Variants in POU2F3 observed in about 807,000 individuals in gnomAD.
POU2F3 encodes POU class 2 homeobox 3.
A neutral mutation model predicts 59.2 loss-of-function variants in POU2F3; 23 were observed. That is an observed-to-expected ratio of 0.39 (90% CI 0.28 to 0.55). The LOEUF (loss-of-function observed/expected upper bound fraction) is 0.55, where lower values mean the gene tolerates loss of function less well. Ranked by LOEUF, POU2F3 falls within the 20% of genes least tolerant of loss-of-function variation. POU2F3 has a pLI of 0.66. For synonymous variants in POU2F3, 190 were observed against 214.6 expected (o/e 0.89, Z 1.00); for missense variants, 473 against 544.5 (o/e 0.87, Z 1.31).
In POU2F3 at chr11:120,274,090, AG is replaced by A. The variant is rs1170429304; in HGVS notation, c.132+4848del. Among the ~76,000 whole-genome samples, 42 of 88,022 alleles carry A rather than the reference AG, an allele frequency of 4.8e-4. No individual in the cohort carries two copies. In the East Asian group the frequency reaches 0.011, roughly 23 times the overall value. The allele number at this position is 88,022 out of a possible 152,430, so 57.7% of individuals were successfully genotyped here. A position where few individuals can be genotyped will look rare whatever the true frequency, so the allele number is the denominator to read the frequency against. ...GAAAGAAAGAAAAAGAGAGAAAGAA[AG>A]GAAGGAAGGAAGGAAGAAAGGAAGG... On this transcript the variant is annotated intron_variant, in intron 3 of 12. Coordinates refer to ENST00000543440, the MANE Select transcript of POU2F3 (RefSeq NM_014352.4).
chr11:120,245,479 A>AG lies in POU2F3; in HGVS notation c.29-963dup, dbSNP rs200133645. On this transcript the variant is annotated intron_variant, in intron 1 of 12. Transcript: ENST00000543440. ...AAGAGTTAAAGTGCTGCCCCAGAGA[A>AG]GGGGGGGTGTGGGGGTCAACATGAT... Among the ~76,000 whole-genome samples the AG allele has an allele frequency of 5.7e-3, 866 of 151,506 alleles. 13 individuals are homozygous for AG. The highest frequency in any genetic ancestry group is 0.019 in the African/African-American group (768 of 41,372).
At chr11:120,244,248 A>C (rs1938781192) in intron 1 of POU2F3, among the ~76,000 whole-genome samples, 1 of 152,192 alleles carries the variant, frequency 6.6e-6, no homozygotes, top group Non-Finnish European at 1.5e-5. Flanking sequence ...TGAGACAGAA[A>C]ACCAAAGCTA....
chr11:120,238,608 G>T (rs183060598), upstream of POU2F3, among the ~76,000 whole-genome samples: 1 of 151,980 alleles, frequency 6.6e-6, no homozygotes, highest in Non-Finnish European at 1.5e-5. Context: ...AGGCTGAGGC[G>T]GGTGGATCAC....
intron 2 of POU2F3, among the ~76,000 whole-genome samples, chr11:120,262,974 T>A (rs185581738): frequency 0.03 from 3,289 of 108,060 alleles, 128 homozygotes; most frequent in African/African-American, 0.13. Flanking sequence ...TTTATTTATT[T>A]ATTTATTTAT....
intron 3 of POU2F3, among the ~76,000 whole-genome samples, chr11:120,279,973 G>C (rs987259353): frequency 1.3e-5 from 2 of 152,208 alleles, no homozygotes; most frequent in Non-Finnish European, 2.9e-5. Context: ...TCAGGTGTTG[G>C]GTGGAGAACA....
intron 3 of POU2F3, among the ~76,000 whole-genome samples, chr11:120,294,729 T>C (rs574002363): frequency 2.7e-4 from 41 of 152,324 alleles, no homozygotes; most frequent in African/African-American, 9.4e-4. Context: ...GAATTGTCGA[T>C]GTACCCTTCC....
At chr11:120,290,823 G>T (rs932833678) in intron 3 of POU2F3, among the ~76,000 whole-genome samples, 6 of 152,226 alleles carry the variant, frequency 3.9e-5, no homozygotes, top group African/African-American at 1.4e-4. Context: ...TGTGTGTATG[G>T]GCACGCGCGT....
intron 2 of POU2F3, among the ~76,000 whole-genome samples, chr11:120,268,645 A>G (rs1057151129): frequency 2.0e-5 from 3 of 152,214 alleles, no homozygotes; most frequent in African/African-American, 7.2e-5. Flanking sequence ...TCCAGCCACC[A>G]AAAGACATTT....
chr11:120,265,632 T>G (rs1212435800), intron 2 of POU2F3, among the ~76,000 whole-genome samples: 1 of 152,248 alleles, frequency 6.6e-6, no homozygotes, highest in East Asian at 1.9e-4. Context: ...AATTAATCTC[T>G]GAATTGTGCT....
At chr11:120,310,247 T>C (rs1300690364) in intron 10 of POU2F3, among the ~76,000 whole-genome samples, 1 of 152,130 alleles carries the variant, frequency 6.6e-6, no homozygotes, top group Non-Finnish European at 1.5e-5. Context: ...GGCTAGACTT[T>C]GATGGTGGAG....
rs1293998555 is a variant in POU2F3, at chr11:120,309,577, C to T, written c.1059C>T (p.Asn353=). Reference sequence around the variant, plus strand: ...CACCCATCAAACCACCTGTCTACAACTCCCGGCTGGTGAGTGGCCAGGAAC... The same window carrying T: ...CACCCATCAAACCACCTGTCTACAATTCCCGGCTGGTGAGTGGCCAGGAAC... ...VATPIKPPVY[N]SRLVSPSGSL... The change falls in exon 10 of 13, where the codon AAC becomes AAT. Residue 353 remains asparagine, a synonymous_variant. Transcript: ENST00000543440. 1.2e-6 allele frequency: 2 copies of T among 1,613,338 alleles called. No individual in the cohort carries two copies. Among genetic ancestry groups the T allele is most frequent in the Non-Finnish European group, 1.7e-6 (2 of 1,179,418 alleles).
intron 3 of POU2F3, among the ~76,000 whole-genome samples, chr11:120,289,114 C>T (rs917334924): frequency 3.9e-5 from 6 of 152,162 alleles, no homozygotes; most frequent in African/African-American, 1.4e-4. Flanking sequence ...TGGATACCTT[C>T]TAGAACCCCA....
At chr11:120,292,377 CA>C (rs1001316354) in intron 3 of POU2F3, among the ~76,000 whole-genome samples, 4 of 148,116 alleles carry the variant, frequency 2.7e-5, no homozygotes, top group Admixed American at 6.8e-5. Flanking sequence ...AAAACAAAAA[CA>C]AAAAAAAAGT....
chr11:120,271,589 G>T (rs970511087), intron 3 of POU2F3, among the ~76,000 whole-genome samples: 3 of 152,224 alleles, frequency 2.0e-5, no homozygotes, highest in Admixed American at 2.0e-4. Flanking sequence ...GGCCAGCCTT[G>T]CGGGGAGGTG....
chr11:120,269,100 C>G, intron 2 of POU2F3, 110 bp from the exon 3 acceptor site: 2 of 776,334 alleles, frequency 2.6e-6, no homozygotes, highest in Non-Finnish European at 4.1e-6. Flanking sequence ...GAAGCAGGTG[C>G]TCTTTTTCAA....
chr11:120,267,663 C>A (rs1257248004), intron 2 of POU2F3, among the ~76,000 whole-genome samples: 1 of 152,218 alleles, frequency 6.6e-6, no homozygotes, highest in Admixed American at 6.5e-5. Context: ...TTCTCTTAGA[C>A]CCCATTCATT....
At chr11:120,288,560 A>T (rs1290321688) in intron 3 of POU2F3, among the ~76,000 whole-genome samples, 2 of 152,118 alleles carry the variant, frequency 1.3e-5, no homozygotes, top group Admixed American at 6.5e-5. Context: ...ACCGTTTATG[A>T]CCCTGTTTTC....
intron 11 of POU2F3, 28 bp from the exon 12 acceptor site, chr11:120,317,201 C>T (rs1029053502): frequency 6.2e-7 from 1 of 1,613,084 alleles, no homozygotes; most frequent in Non-Finnish European, 8.5e-7. Context: ...ATTATTTCCC[C>T]CTTGTTTTTG....
intron 3 of POU2F3, among the ~76,000 whole-genome samples, chr11:120,275,490 G>GCATA (rs1315670697): frequency 6.6e-6 from 1 of 152,180 alleles, no homozygotes; most frequent in Non-Finnish European, 1.5e-5. Context: ...AATGACAACT[G>GCATA]CATACGTAGG....
Sources: allele counts gnomAD v4.1 joint callset (sites outside exome capture counted in the v4.1 genomes callset), GRCh38; gene constraint gnomAD v4.1.1; transcripts MANE v1.5; gene names NCBI Gene and HGNC (gene_info 2026-07-23, HGNC 2026-07-21).